Variants in UNC5B observed in about 807,000 individuals in gnomAD.
The protein encoded by UNC5B is unc-5 netrin receptor B.
In UNC5B, 56 loss-of-function variants were observed where a neutral mutation model predicts 103.7. The observed-to-expected ratio is 0.54, with a 90% confidence interval of 0.44 to 0.67. The LOEUF is 0.67. Among genes scored for constraint, UNC5B ranks in the 30% least tolerant of loss-of-function variants. The pLI, the probability that UNC5B is intolerant of heterozygous loss-of-function variation, is 0.00. For missense variants in UNC5B, 1,194 were observed against 1,284.5 expected (o/e 0.93, Z 1.08); for synonymous variants, 577 against 542.0 (o/e 1.06, Z -0.90).
chr10:71,283,565 A>G (rs1483101519), intron 2 of UNC5B, among the ~76,000 whole-genome samples: 1 of 152,172 alleles, frequency 6.6e-6, no homozygotes, highest in Non-Finnish European at 1.5e-5. Flanking sequence ...ATGAGATAGG[A>G]CACATCGTGG....
chr10:71,241,582 A>G (rs1260396906), intron 1 of UNC5B, among the ~76,000 whole-genome samples: 1 of 152,154 alleles, frequency 6.6e-6, no homozygotes, highest in Non-Finnish European at 1.5e-5. Context: ...TATCGGGCAC[A>G]TCTAGCTCTG....
intron 1 of UNC5B, among the ~76,000 whole-genome samples, chr10:71,244,884 C>A (rs896790368): frequency 6.6e-6 from 1 of 152,222 alleles, no homozygotes; most frequent in Non-Finnish European, 1.5e-5. Context: ...CTCCAGCTCC[C>A]GCTGGCCCTC....
At chr10:71,218,458 A>G (rs1843383275) in intron 1 of UNC5B, among the ~76,000 whole-genome samples, 1 of 152,216 alleles carries the variant, frequency 6.6e-6, no homozygotes, top group South Asian at 2.1e-4. Flanking sequence ...TCAGCACTTA[A>G]GAGACCTCAT....
Position 71,291,836 on chromosome 10 carries a change from T to C in UNC5B, c.1684+15T>C. 6.4e-7 allele frequency: 1 copy of C among 1,573,968 alleles called. No individual in the cohort carries two copies. Among genetic ancestry groups the C allele is most frequent in the South Asian group, 1.2e-5 (1 of 86,034 alleles). ...CCCCGGCACAGGTGAGCCCCTGCCC[T>C]GCTTGTGCGTCAGCCTGGCCTTAGC... is the stretch of plus-strand genomic sequence containing the variant. On this transcript the variant is annotated intron_variant, in intron 10 of 16. Transcript: ENST00000335350.
rs542892157 is a variant in UNC5B, at chr10:71,253,099, C to T, written c.80-26722C>T. On this transcript the variant is annotated intron_variant, in intron 1 of 16. Transcript: ENST00000335350. ...TTGCAGCTCAGACCTCTAAAATCCTCCCCTCATTTCCACACTTCACCTCCT... is the reference window on the plus strand; with the variant it reads ...TTGCAGCTCAGACCTCTAAAATCCTTCCCTCATTTCCACACTTCACCTCCT... 3.7e-3 allele frequency among the ~76,000 whole-genome samples: 558 copies of T among 152,318 alleles called. 9 individuals are homozygous for T. Among genetic ancestry groups the T allele is most frequent in the Middle Eastern group, 0.01 (3 of 294 alleles).
In UNC5B at chr10:71,299,092, G is replaced by T. The variant is rs201160291; in HGVS notation, c.2673-20G>T. The T allele has an allele frequency of 6.2e-7, 1 of 1,613,716 alleles. No homozygotes were observed. Among genetic ancestry groups the T allele is most frequent in the Non-Finnish European group, 8.5e-7 (1 of 1,179,668 alleles). ...GGGCTAAGTGCTTGGGAACCTCAGT[G>T]CCCTCCTTCCCTCTGCCAGGTACCT... On this transcript the variant is annotated intron_variant, in intron 16 of 16. Transcript: ENST00000335350.
intron 11 of UNC5B, 66 bp downstream of exon 11, chr10:71,292,620 G>T: frequency 7.0e-7 from 1 of 1,425,782 alleles, no homozygotes; most frequent in South Asian, 1.2e-5. Context: ...CCCACACGTG[G>T]CTCCCCTTCT....
At position 71,292,477 on chromosome 10, in the gene UNC5B, G is replaced by A. The variant is rs186695307; in HGVS notation, c.1695G>A (p.Leu565=). 1 of 1,597,356 alleles carries A rather than the reference G, an allele frequency of 6.3e-7. No individual in the cohort carries two copies. Among genetic ancestry groups the A allele is most frequent in the African/African-American group, 1.3e-5 (1 of 74,904 alleles). ...TCCCTCTCCCCCTAGGGGTCAGCTT[G>A]CTGGTGCCCAATGGAGCCATTCCCC... ...RLSIPGTGVS[L]LVPNGAIPQG... is the part of the protein sequence containing the mutation. Residue 565 remains leucine, a synonymous_variant, in exon 11 of 17, where the codon TTG becomes TTA. Coordinates refer to ENST00000335350, the MANE Select transcript of UNC5B (RefSeq NM_170744.5).
chr10:71,243,167 G>A (rs527733129), intron 1 of UNC5B, among the ~76,000 whole-genome samples: 114 of 152,212 alleles, frequency 7.5e-4, no homozygotes, highest in Middle Eastern at 3.4e-3. Flanking sequence ...CCCAGGAGGC[G>A]GAGGTTGCAG....
At position 71,300,840 on chromosome 10, in the gene UNC5B, C is replaced by A. The variant is rs1279894256; in HGVS notation, c.*1563C>A. On this transcript the variant is annotated 3_prime_UTR_variant, in exon 17 of 17. Coordinates refer to ENST00000335350, the MANE Select transcript of UNC5B (RefSeq NM_170744.5). ...TTCCCAGCTCTGATCTCCACAGGCACCTCCTATAACCCTCCTCTCACCCAC... is the reference window on the plus strand; with the variant it reads ...TTCCCAGCTCTGATCTCCACAGGCAACTCCTATAACCCTCCTCTCACCCAC... 1 of 152,280 alleles carries A rather than the reference C, an allele frequency of 6.6e-6. No homozygotes were observed. Among genetic ancestry groups the A allele is most frequent in the Non-Finnish European group, 1.5e-5 (1 of 68,104 alleles). The allele number at this position is 152,280 out of a possible 1,614,324, so 9.4% of individuals were successfully genotyped here. A position where few individuals can be genotyped will look rare whatever the true frequency, so the allele number is the denominator to read the frequency against.
intron 4 of UNC5B, among the ~76,000 whole-genome samples, chr10:71,286,053 T>C (rs1021025564): frequency 3.9e-5 from 6 of 152,188 alleles, no homozygotes; most frequent in Admixed American, 1.3e-4. Flanking sequence ...CTCCTCTGCG[T>C]AGTGGGCTCA....
At chr10:71,240,329 A>G (rs1184307316) in intron 1 of UNC5B, among the ~76,000 whole-genome samples, 1 of 152,224 alleles carries the variant, frequency 6.6e-6, no homozygotes, top group Non-Finnish European at 1.5e-5. Context: ...CACCAAGGAT[A>G]CTTCAATTCC....
At chr10:71,267,126 A>G (rs1844541115) in intron 1 of UNC5B, among the ~76,000 whole-genome samples, 1 of 152,234 alleles carries the variant, frequency 6.6e-6, no homozygotes, top group African/African-American at 2.4e-5. Context: ...TAGCTAGTGC[A>G]TAGGGCTGCC....
chr10:71,231,951 G>A (rs1843692374), intron 1 of UNC5B, among the ~76,000 whole-genome samples: 1 of 152,168 alleles, frequency 6.6e-6, no homozygotes, highest in Non-Finnish European at 1.5e-5. Context: ...CCTGGAACCT[G>A]AGGATCTCCA....
chr10:71,238,551 C>T (rs1018922999), intron 1 of UNC5B, among the ~76,000 whole-genome samples: 12 of 152,236 alleles, frequency 7.9e-5, no homozygotes, highest in African/African-American at 2.9e-4. Flanking sequence ...CAGCTCATTG[C>T]CACCTCCACC....
At chr10:71,265,607 T>C (rs538848958) in intron 1 of UNC5B, among the ~76,000 whole-genome samples, 40 of 152,306 alleles carry the variant, frequency 2.6e-4, no homozygotes, top group African/African-American at 9.6e-4. Flanking sequence ...CCTGGCAGCT[T>C]CCAGGAACAT....
At chr10:71,291,140 G>A in intron 9 of UNC5B, 31 bp downstream of exon 9, 1 of 1,595,758 alleles carries the variant, frequency 6.3e-7, no homozygotes, top group Non-Finnish European at 8.6e-7. Context: ...GGGGTGGTTG[G>A]CAGAGGCAGG....
At chr10:71,278,666 A>G (rs1198481596) in intron 1 of UNC5B, among the ~76,000 whole-genome samples, 1 of 152,218 alleles carries the variant, frequency 6.6e-6, no homozygotes, top group East Asian at 1.9e-4. Flanking sequence ...CTCCTAGACC[A>G]GAGAACAAGT....
At chr10:71,285,146 C>T (rs1845037929) in intron 3 of UNC5B, among the ~76,000 whole-genome samples, 180 bp from the exon 4 acceptor site, 1 of 152,220 alleles carries the variant, frequency 6.6e-6, no homozygotes, top group Admixed American at 6.5e-5. Context: ...GAACCCTGTT[C>T]CCCCAAGTCT....
Sources: gnomAD v4.1 joint callset for allele counts (sites outside exome capture counted in the v4.1 genomes callset) on GRCh38, gnomAD v4.1.1 for gene constraint, MANE v1.5 for transcripts, NCBI Gene and HGNC (gene_info 2026-07-23, HGNC 2026-07-21) for gene names.